EPHX1: variants seen among roughly 807,000 people sequenced by gnomAD.
EPHX1 encodes the protein epoxide hydratase.
Under a neutral mutation model 43.2 loss-of-function variants are expected in EPHX1, and 40 were observed. The ratio of observed to expected loss-of-function variants is 0.93; its 90% CI spans 0.72 to 1.21. EPHX1 has a LOEUF of 1.21. Among genes scored for constraint, EPHX1 ranks in the 50% most tolerant of loss-of-function variants. The pLI is 0.00. For synonymous variants in EPHX1, 221 were observed against 226.7 expected, an observed-to-expected ratio of 0.98 and a Z score of 0.22; for missense variants, 550 against 570.4, an observed-to-expected ratio of 0.96 and a Z score of 0.36.
intron 1 of EPHX1, among the ~76,000 whole-genome samples, chr1:225,814,868 C>T (rs573863539): frequency 9.2e-4 from 140 of 152,356 alleles, no homozygotes; most frequent in Middle Eastern, 6.8e-3. Context: ...TGGCTAATTT[C>T]GGAGAGACTT....
intron 3 of EPHX1, among the ~76,000 whole-genome samples, chr1:225,838,340 C>T (rs1203583618): frequency 1.3e-5 from 2 of 152,152 alleles, no homozygotes; most frequent in Non-Finnish European, 2.9e-5. Context: ...CAGGAGCTGT[C>T]CTGAGCCCTG....
At chr1:225,837,848 C>G in intron 3 of EPHX1, among the ~76,000 whole-genome samples, 1 of 152,098 alleles carries the variant, frequency 6.6e-6, no homozygotes, top group Non-Finnish European at 1.5e-5. Context: ...AAGAAAATAT[C>G]ATTTGGTAAT....
In EPHX1 at chr1:225,839,366, G is replaced by GGTGTTTGTGT. The variant is rs1668186673; in HGVS notation, c.722+24_722+25insTTGTGTGTGT. The stretch of plus-strand genomic sequence containing the variant: ...GCCCAGGTGAGGTCACTGTTGGGGT[G>GGTGTTTGTGT]GTGTGTGTGTGTGTGTGTGTGTGTG... On this transcript the variant is annotated intron_variant, in intron 5 of 8. Coordinates refer to ENST00000272167, the MANE Select transcript of EPHX1 (RefSeq NM_001136018.4). The GGTGTTTGTGT allele has an allele frequency of 7.6e-7, 1 of 1,313,914 alleles. No homozygotes were observed. Among genetic ancestry groups the GGTGTTTGTGT allele is most frequent in the Non-Finnish European group, 1.0e-6 (1 of 955,084 alleles). 81.4% of individuals were successfully genotyped at this position (1,313,914 alleles called of 1,614,324 possible).
chr1:225,840,694 A>G (rs1209972923), intron 6 of EPHX1, among the ~76,000 whole-genome samples: 3 of 152,204 alleles, frequency 2.0e-5, no homozygotes, highest in Admixed American at 6.5e-5. Flanking sequence ...GTTCTTTACA[A>G]TTCACAGAAC....
Position 225,817,930 on chromosome 1 carries a change from G to A in EPHX1, c.-6+7761G>A, listed in dbSNP as rs998288922. On this transcript the variant is annotated intron_variant, in intron 1 of 8. Coordinates refer to ENST00000272167, the MANE Select transcript of EPHX1 (RefSeq NM_001136018.4). This position sits in a 1 kb window ranked among gnomAD's most constrained non-coding sequence, Gnocchi z 5.7. ...TTCTGACTGCTTGCTTGGGTTGGGG[G>A]AGGGGAGTCTTTGGGCAGGCGGTAG... Among the ~76,000 whole-genome samples the A allele has an allele frequency of 2.0e-5, 3 of 152,234 alleles. No homozygotes were observed. Among genetic ancestry groups the A allele is most frequent in the African/African-American group, 7.2e-5 (3 of 41,450 alleles).
chr1:225,828,824 G>A lies in EPHX1; in HGVS notation c.95G>A (p.Gly32Glu), dbSNP rs1667409210. 2 of 1,613,366 alleles carry A rather than the reference G, an allele frequency of 1.2e-6. No homozygotes were observed. Among genetic ancestry groups the A allele is most frequent in the African/African-American group, 1.3e-5 (1 of 74,854 alleles). Residue 32 changes from glycine (G) to glutamate (E), a missense_variant, in exon 2 of 9, where the codon GGG becomes GAG. Physicochemically the swap from Gly to Glu is moderately conservative, Grantham distance 98 (BLOSUM62 -2). Coordinates refer to ENST00000272167, the MANE Select transcript of EPHX1 (RefSeq NM_001136018.4). ...DKEETLPLED[G>E]WWGPGTRSAA... ...GAGGAAACTTTGCCACTTGAAGATG[G>A]GTGGTGGGGGCCAGGCACGAGGTCC...
Position 225,839,824 on chromosome 1 carries a change from T to C in EPHX1, c.723-5T>C. On this transcript the variant is annotated splice_region_variant and splice_polypyrimidine_tract_variant and intron_variant, in intron 5 of 8. Transcript: ENST00000272167. ...CCTCACCCCGGCCCCTCTCTCTGCC[T>C]TCAGCCACGTGAAAGGCCTGCACTT... The C allele has an allele frequency of 6.2e-7, 1 of 1,613,584 alleles. No individual in the cohort carries two copies. Among genetic ancestry groups the C allele is most frequent in the Non-Finnish European group, 8.5e-7 (1 of 1,179,888 alleles).
chr1:225,828,620 G>T, intron 1 of EPHX1, 105 bp from the exon 2 acceptor site: 1 of 1,015,906 alleles, frequency 9.8e-7, no homozygotes, highest in Non-Finnish European at 1.5e-6. Context: ...ATCAGGGACA[G>T]GGTTGGAGCG....
At chr1:225,832,840 C>A (rs969515759) in intron 3 of EPHX1, among the ~76,000 whole-genome samples, 7 of 152,108 alleles carry the variant, frequency 4.6e-5, no homozygotes, top group African/African-American at 1.7e-4. Flanking sequence ...TTATTGGATT[C>A]TTTGTAATTT....
rs777692998 is a variant in EPHX1, at chr1:225,842,474, G to C, written c.1040G>C (p.Arg347Thr). 37 of 1,608,254 alleles carry C rather than the reference G, an allele frequency of 2.3e-5. 1 individual carries two copies. The Middle Eastern group carries it at 1.5e-3, about 64-fold the overall frequency. Residue 347 changes from arginine (R) to threonine (T), a missense_variant and splice_region_variant, in exon 7 of 9, where the codon AGG (arginine) becomes ACG (threonine). Physicochemically the swap from Arg to Thr is moderately conservative, Grantham distance 71. Coordinates refer to ENST00000272167, the MANE Select transcript of EPHX1 (RefSeq NM_001136018.4). Reference protein sequence around the residue: ...FRYLEDGGLERKFSLDDLLTN... With the variant: ...FRYLEDGGLETKFSLDDLLTN... Reference sequence around the variant, plus strand: ...TACCTGGAGGATGGAGGCCTGGAAAGGTGAGGCCCTGGTTTGCCCCTGCAG... The same window carrying C: ...TACCTGGAGGATGGAGGCCTGGAAACGTGAGGCCCTGGTTTGCCCCTGCAG...
intron 2 of EPHX1, among the ~76,000 whole-genome samples, chr1:225,829,845 C>T (rs111817476): frequency 2.0e-5 from 3 of 152,164 alleles, no homozygotes; most frequent in African/African-American, 7.2e-5. Flanking sequence ...GAGGCTGAGG[C>T]GGTGGATCAC....
At chr1:225,843,887 T>C (rs1489479112) in intron 7 of EPHX1, among the ~76,000 whole-genome samples, 1 of 152,210 alleles carries the variant, frequency 6.6e-6, no homozygotes, top group East Asian at 1.9e-4. Context: ...TTGAAAAGGC[T>C]GTTCCCTTTA....
At chr1:225,821,134 G>A (rs1240801885) in intron 1 of EPHX1, among the ~76,000 whole-genome samples, 1 of 152,128 alleles carries the variant, frequency 6.6e-6, no homozygotes, top group Non-Finnish European at 1.5e-5. Flanking sequence ...TGAATTGTAT[G>A]TTTTAAAACT....
intron 1 of EPHX1, among the ~76,000 whole-genome samples, chr1:225,819,953 C>G (rs1666908963): frequency 6.6e-6 from 1 of 152,160 alleles, no homozygotes; most frequent in Non-Finnish European, 1.5e-5. Flanking sequence ...CCTCAACATC[C>G]CAATCTGATG....
Position 225,845,218 on chromosome 1 carries a change from G to A in EPHX1, c.1239G>A (p.Val413=), listed in dbSNP as rs45540739. Reference sequence around the variant, plus strand: ...TATTGCACACGCCTGAAAAGTGGGTGAGGTTCAAGTACCCAAAGCTCATCT... The same window carrying A: ...TATTGCACACGCCTGAAAAGTGGGTAAGGTTCAAGTACCCAAAGCTCATCT... The part of the protein sequence containing the change: ...FELLHTPEKW[V]RFKYPKLISY... The change falls in exon 9 of 9, where the codon GTG becomes GTA. Residue 413 remains valine, a synonymous_variant. Transcript: ENST00000272167. 2.3e-3 allele frequency: 3,667 copies of A among 1,614,160 alleles called. 99 individuals carry two copies. In the Admixed American group the frequency reaches 0.049, roughly 22 times the overall value.
At chr1:225,810,771 G>C (rs1014171770) in intron 1 of EPHX1, among the ~76,000 whole-genome samples, 11 of 145,774 alleles carry the variant, frequency 7.5e-5, no homozygotes, top group East Asian at 2.1e-4. Context: ...AGAGTGGGGG[G>C]GGTCACAAGG....
chr1:225,825,192 C>G (rs1667171846), intron 1 of EPHX1, among the ~76,000 whole-genome samples: 1 of 152,178 alleles, frequency 6.6e-6, no homozygotes, highest in South Asian at 2.1e-4. Context: ...ATCATTTCAG[C>G]CCTGTATCTC....
intron 3 of EPHX1, among the ~76,000 whole-genome samples, chr1:225,835,619 G>A (rs1278217066): frequency 6.6e-6 from 1 of 151,662 alleles, no homozygotes; most frequent in South Asian, 2.1e-4. Flanking sequence ...TTGATCGCCT[G>A]ACCTCGTGAT....
intron 5 of EPHX1, 59 bp from the exon 6 acceptor site, chr1:225,839,770 C>T (rs1293102270): frequency 9.0e-6 from 14 of 1,562,200 alleles, no homozygotes; most frequent in Non-Finnish European, 1.1e-5. Context: ...GCCATCTCTC[C>T]TCTCTCCCTG....
Sources: gnomAD v4.1 joint callset for allele counts (sites outside exome capture counted in the v4.1 genomes callset) on GRCh38, gnomAD v4.1.1 for gene constraint, Gnocchi (gnomAD v3.1) non-coding constraint, MANE v1.5 for transcripts, NCBI Gene and HGNC (gene_info 2026-07-23, HGNC 2026-07-21) for gene names.